CACNA1C: variants seen among roughly 807,000 people sequenced by gnomAD.
The protein encoded by CACNA1C is calcium voltage-gated channel subunit alpha1 C.
Under a neutral mutation model 229.0 loss-of-function variants are expected in CACNA1C, and 30 were observed. The observed-to-expected ratio is 0.13, with a 90% CI of 0.10 to 0.18. CACNA1C has a LOEUF of 0.18. CACNA1C is among the 10% of genes least tolerant of loss of function. The pLI is 1.00. For synonymous variants in CACNA1C, 1,114 were observed against 1,132.5 expected (o/e 0.98, Z 0.33); for missense variants, 1,658 against 2,845.0 (o/e 0.58, Z 9.49).
Position 2,457,631 on chromosome 12 carries a change from G to T in CACNA1C, c.682G>T (p.Gly228Trp). ...TGGGGCAAACGCTCTCGGAGGGAAA[G>T]GGGCCGGATTTGATGTGAAGGCGCT... ...ADGANALGGK[G>W]AGFDVKALRA... The change falls in exon 5 of 47, where the codon GGG becomes TGG. Residue 228 changes from glycine to tryptophan, a missense_variant. By Grantham distance (184) the Gly-to-Trp change is radical. Transcript: ENST00000399655. 6.2e-7 allele frequency: 1 copy of T among 1,613,260 alleles called. No individual in the cohort carries two copies. The highest frequency in any genetic ancestry group is 8.5e-7 in the Non-Finnish European group (1 of 1,179,582).
chr12:2,204,077 A>T (rs1223845220), intron 3 of CACNA1C, among the ~76,000 whole-genome samples: 1 of 152,120 alleles, frequency 6.6e-6, no homozygotes, highest in Non-Finnish European at 1.5e-5. Flanking sequence ...AACAGTGTAA[A>T]AGTGTTCCTA....
At chr12:2,115,578 T>C in intron 2 of CACNA1C, 33 bp downstream of exon 2, 1 of 1,605,286 alleles carries the variant, frequency 6.2e-7, no homozygotes, top group South Asian at 1.1e-5. Context: ...GGCATGCTCC[T>C]GGGACCTGCA....
At chr12:2,257,505 A>C (rs1195611609) in intron 3 of CACNA1C, among the ~76,000 whole-genome samples, 1 of 152,230 alleles carries the variant, frequency 6.6e-6, no homozygotes, top group Non-Finnish European at 1.5e-5. Context: ...CACAGTTCAC[A>C]ATAGGGTTTG....
intron 5 of CACNA1C, among the ~76,000 whole-genome samples, chr12:2,481,913 A>G (rs766305645): frequency 5.3e-5 from 8 of 152,264 alleles, no homozygotes; most frequent in Non-Finnish European, 1.0e-4. Context: ...ATGAGCAGCC[A>G]GCCCTGAAGA....
Position 2,691,383 on chromosome 12 carries a change from G to A in CACNA1C, c.*184G>A, listed in dbSNP as rs886049211. 4.4e-4 allele frequency: 255 copies of A among 580,360 alleles called. No individual in the cohort carries two copies. The highest frequency in any genetic ancestry group is 6.2e-4 in the Non-Finnish European group (239 of 384,024). 36.0% of individuals were successfully genotyped at this position (580,360 alleles called of 1,614,324 possible). A position where few individuals can be genotyped will look rare whatever the true frequency, so the allele number is the denominator to read the frequency against. On this transcript the variant is annotated 3_prime_UTR_variant, in exon 47 of 47. Coordinates refer to ENST00000399655, the MANE Select transcript of CACNA1C (RefSeq NM_000719.7). The stretch of plus-strand genomic sequence containing the variant: ...CCCTCCGGGAGGAAGGCGCCCGGCT[G>A]CGTCTGCAGAGGCGGGGAGAGGAGG...
chr12:2,135,422 C>A (rs1325874382), intron 3 of CACNA1C, among the ~76,000 whole-genome samples: 1 of 141,994 alleles, frequency 7.0e-6, no homozygotes, highest in Non-Finnish European at 1.5e-5. Context: ...TCTGTTTTTT[C>A]CCCATCTTTG....
rs184098933 is a variant in CACNA1C at position 2,416,858 on chromosome 12, G to C, written c.478-32118G>C. ...AAGAATCAGAGAGGCTAAGGGACTGGCCAGAGTTCACACAACTAGCAAGAA... is the reference window on the plus strand; with the variant it reads ...AAGAATCAGAGAGGCTAAGGGACTGCCCAGAGTTCACACAACTAGCAAGAA... On this transcript the variant is annotated intron_variant, in intron 3 of 46. Transcript: ENST00000399655. Among the ~76,000 whole-genome samples the C allele has an allele frequency of 4.6e-3, 700 of 152,296 alleles. 19 individuals carry two copies. The highest frequency in any genetic ancestry group is 1.2e-3 in the Non-Finnish European group (84 of 68,022).
At chr12:2,447,547 T>A (rs528148530) in intron 3 of CACNA1C, among the ~76,000 whole-genome samples, 1 of 146,176 alleles carries the variant, frequency 6.8e-6, no homozygotes, top group South Asian at 2.2e-4. Flanking sequence ...AATTCTACAG[T>A]TTTTAATTTT....
At chr12:2,590,602 A>G (rs2153279846) in intron 18 of CACNA1C, among the ~76,000 whole-genome samples, 1 of 152,216 alleles carries the variant, frequency 6.6e-6, no homozygotes, top group South Asian at 2.1e-4. Context: ...ACTGTGCCTG[A>G]GGTTCAGCTG....
At chr12:2,185,571 G>T (rs552051215) in intron 3 of CACNA1C, among the ~76,000 whole-genome samples, 1 of 152,302 alleles carries the variant, frequency 6.6e-6, no homozygotes, top group East Asian at 1.9e-4. Flanking sequence ...CTTGGACACA[G>T]ACACACATGG....
At chr12:2,015,987 A>G (rs564220820) in intron 1 of CACNA1C, among the ~76,000 whole-genome samples, 27 of 152,376 alleles carry the variant, frequency 1.8e-4, no homozygotes, top group African/African-American at 6.5e-4. Flanking sequence ...TGGTAATGAC[A>G]GAACAGGACT....
In CACNA1C at chr12:2,615,703, G is replaced by T. The variant is rs988534824; in HGVS notation, c.3828+3690G>T. Among the ~76,000 whole-genome samples the T allele has an allele frequency of 9.9e-5, 15 of 152,210 alleles. 1 individual carries two copies. Among genetic ancestry groups the T allele is most frequent in the Admixed American group, 9.2e-4 (14 of 15,286 alleles). ...CAAGGAGGGAATGCACAGGAGCCTGGCGCGGGAAGCAGTGTCTGTCTCAGC... is the reference window on the plus strand; with the variant it reads ...CAAGGAGGGAATGCACAGGAGCCTGTCGCGGGAAGCAGTGTCTGTCTCAGC... On this transcript the variant is annotated intron_variant, in intron 29 of 46. Transcript: ENST00000399655.
chr12:2,485,011 G>A (rs935569618), intron 5 of CACNA1C, among the ~76,000 whole-genome samples: 5 of 151,314 alleles, frequency 3.3e-5, no homozygotes, highest in Non-Finnish European at 5.9e-5. Context: ...CACCAACAAC[G>A]GCCTTGGGGT....
chr12:2,174,114 A>G (rs1018689268), intron 3 of CACNA1C, among the ~76,000 whole-genome samples: 2 of 152,054 alleles, frequency 1.3e-5, no homozygotes, highest in Non-Finnish European at 2.9e-5. Flanking sequence ...CCCAAGGGGA[A>G]GGAGGCAGAC....
intron 11 of CACNA1C, among the ~76,000 whole-genome samples, chr12:2,558,240 G>A (rs1258539709): frequency 2.6e-5 from 4 of 152,180 alleles, no homozygotes; most frequent in East Asian, 3.9e-4. Context: ...TAGAAGCCAC[G>A]CGAGCCCTCT....
Position 2,605,747 on chromosome 12 carries a change from G to A in CACNA1C, c.3117G>A (p.Leu1039=). The A allele has an allele frequency of 6.2e-7, 1 of 1,613,994 alleles. No homozygotes were observed. The highest frequency in any genetic ancestry group is 2.2e-5 in the East Asian group (1 of 44,868). The change falls in exon 24 of 47, where the codon CTG becomes CTA. Residue 1039 remains leucine, a synonymous_variant. Coordinates refer to ENST00000399655, the MANE Select transcript of CACNA1C (RefSeq NM_000719.7). The surrounding 1 kb of genome is among the most constrained non-coding windows in gnomAD (Gnocchi z 6.2). ...IGNIVIVTTL[L]QFMFACIGVQ... ...ACATCGTGATTGTCACCACCCTGCT[G>A]CAGTTCATGTTTGCCTGCATCGGGG...
intron 10 of CACNA1C, among the ~76,000 whole-genome samples, chr12:2,556,426 C>G (rs528591589): frequency 3.3e-5 from 5 of 152,208 alleles, no homozygotes; most frequent in African/African-American, 7.2e-5. Context: ...CTGGGGCTGG[C>G]GCCTTAGGCC....
rs148538871 is a variant in CACNA1C, at chr12:2,147,022, C to T, written c.477+26592C>T. ...CCTCCCTGAGAGCTCTCCAACCCCC[C>T]CAATTATCAAAGCAAATCAATGTCA... On this transcript the variant is annotated intron_variant, in intron 3 of 46. Coordinates refer to ENST00000399655, the MANE Select transcript of CACNA1C (RefSeq NM_000719.7). Among the ~76,000 whole-genome samples, 32 of 151,054 alleles carry T rather than the reference C, an allele frequency of 2.1e-4. 1 individual carries two copies. The highest frequency in any genetic ancestry group is 3.6e-4 in the Non-Finnish European group (24 of 67,468).
At chr12:2,149,783 G>C (rs2238039) in intron 3 of CACNA1C, among the ~76,000 whole-genome samples, 10,797 of 152,160 alleles carry the variant, frequency 0.071, 762 homozygotes, top group East Asian at 0.35. Context: ...TAGGACCCAG[G>C]GGGGAGCACA....
Sources: gnomAD v4.1 joint callset for allele counts (sites outside exome capture counted in the v4.1 genomes callset) on GRCh38, gnomAD v4.1.1 for gene constraint, Gnocchi (gnomAD v3.1) non-coding constraint, MANE v1.5 for transcripts, NCBI Gene and HGNC (gene_info 2026-07-23, HGNC 2026-07-21) for gene names.